GNAQ: variants seen among roughly 807,000 people sequenced by gnomAD.
GNAQ encodes the protein guanine nucleotide-binding protein G(q) subunit alpha.
In GNAQ, 8 loss-of-function variants were observed where a neutral mutation model predicts 43.9. That is an observed-to-expected ratio of 0.18 (90% CI 0.11 to 0.33). GNAQ has a LOEUF of 0.33. Among genes scored for constraint, GNAQ ranks in the 10% least tolerant of loss-of-function variants. GNAQ has a pLI of 1.00. For missense variants in GNAQ, 158 were observed against 450.8 expected, an observed-to-expected ratio of 0.35 and a Z score of 5.88; for synonymous variants, 155 against 170.7, an observed-to-expected ratio of 0.91 and a Z score of 0.71.
In GNAQ at chr9:77,717,607, T is replaced by A. The variant is rs1825246189; in HGVS notation, c.*3716A>T. ...AAGACAACTAAAATTTACAATCATG[T>A]GGCAGTATAAATTTTAAAATTACAG... On this transcript the variant is annotated 3_prime_UTR_variant, in exon 7 of 7. Transcript: ENST00000286548. The A allele has an allele frequency of 4.3e-6, 1 of 232,384 alleles. No individual in the cohort carries two copies. Among genetic ancestry groups the A allele is most frequent in the Non-Finnish European group, 8.5e-6 (1 of 117,544 alleles). 14.4% of individuals were successfully genotyped at this position (232,384 alleles called of 1,614,324 possible). A position where few individuals can be genotyped will look rare whatever the true frequency, so the allele number is the denominator to read the frequency against.
At chr9:77,824,716 T>C (rs1827167423) in intron 2 of GNAQ, among the ~76,000 whole-genome samples, 1 of 152,214 alleles carries the variant, frequency 6.6e-6, no homozygotes, top group South Asian at 2.1e-4. Context: ...AAAACCATGT[T>C]GGATATTTCA....
chr9:77,770,041 A>T (rs1826198554), intron 5 of GNAQ, among the ~76,000 whole-genome samples: 1 of 152,150 alleles, frequency 6.6e-6, no homozygotes, highest in Non-Finnish European at 1.5e-5. Flanking sequence ...CCTCATAATG[A>T]TGCACACTAG....
chr9:77,786,775 A>G (rs1423021533), intron 5 of GNAQ, among the ~76,000 whole-genome samples: 2 of 152,210 alleles, frequency 1.3e-5, no homozygotes, highest in Non-Finnish European at 2.9e-5. Context: ...CTTTGGTTTT[A>G]TCTATTAAAT....
chr9:77,799,994 C>T (rs1353158028), intron 3 of GNAQ, among the ~76,000 whole-genome samples: 1 of 152,186 alleles, frequency 6.6e-6, no homozygotes, highest in Non-Finnish European at 1.5e-5. Context: ...AATATCTTGC[C>T]ATGATCACGG....
intron 2 of GNAQ, among the ~76,000 whole-genome samples, chr9:77,840,072 T>C (rs1383717173): frequency 6.6e-6 from 1 of 152,250 alleles, no homozygotes; most frequent in Non-Finnish European, 1.5e-5. Context: ...CGTTTTCCTC[T>C]GCAAATGCTC....
At chr9:77,921,831 T>C (rs563649724) in intron 2 of GNAQ, among the ~76,000 whole-genome samples, 3 of 152,364 alleles carry the variant, frequency 2.0e-5, no homozygotes, top group South Asian at 2.1e-4. Flanking sequence ...GGCCAATTTA[T>C]GATACTTACA....
intron 2 of GNAQ, among the ~76,000 whole-genome samples, chr9:77,901,052 C>A (rs1310585806): frequency 1.3e-5 from 2 of 152,118 alleles, no homozygotes; most frequent in East Asian, 3.9e-4. Context: ...TGCTTGAATC[C>A]TCAAGCTGCC....
intron 5 of GNAQ, among the ~76,000 whole-genome samples, chr9:77,758,282 C>A (rs958851198): frequency 1.4e-4 from 21 of 152,280 alleles, no homozygotes; most frequent in Middle Eastern, 3.4e-3. Flanking sequence ...ACATGATTTT[C>A]CTCAAGGTTA....
intron 1 of GNAQ, among the ~76,000 whole-genome samples, chr9:78,026,796 A>G (rs886286485): frequency 1.3e-5 from 2 of 152,186 alleles, no homozygotes; most frequent in African/African-American, 4.8e-5. Context: ...TTGGTCTAAA[A>G]CTGTATAGCT....
chr9:77,972,804 T>C, intron 1 of GNAQ, among the ~76,000 whole-genome samples: 1 of 151,752 alleles, frequency 6.6e-6, no homozygotes. Flanking sequence ...AATACAAAAA[T>C]TAGCCGGGCG....
At chr9:77,770,813 G>T (rs895675975) in intron 5 of GNAQ, among the ~76,000 whole-genome samples, 7 of 152,112 alleles carry the variant, frequency 4.6e-5, no homozygotes, top group Non-Finnish European at 8.8e-5. Flanking sequence ...TTGTATCTGT[G>T]CCACAGGAAT....
At chr9:77,811,897 C>A (rs995174477) in intron 3 of GNAQ, among the ~76,000 whole-genome samples, 3 of 152,116 alleles carry the variant, frequency 2.0e-5, no homozygotes, top group Non-Finnish European at 2.9e-5. Flanking sequence ...CAGGAATAAA[C>A]TGATTCTACT....
At chr9:77,953,739 G>A (rs188961800) in intron 1 of GNAQ, among the ~76,000 whole-genome samples, 3 of 152,284 alleles carry the variant, frequency 2.0e-5, no homozygotes, top group Admixed American at 6.5e-5. Flanking sequence ...ATCTGCCAGT[G>A]TTTGAACAGA....
Position 77,837,593 on chromosome 9 carries a change from T to C in GNAQ, c.322-21823A>G, listed in dbSNP as rs1237228591. Among the ~76,000 whole-genome samples the C allele has an allele frequency of 4.0e-5, 6 of 151,750 alleles. No individual in the cohort carries two copies. In the East Asian group the frequency reaches 7.8e-4, roughly 20 times the overall value. ...TTTTTTTAAAAAAGCTGTTTCATCA[T>C]ATGATTGATTTTTTAAAAAAACAAC... On this transcript the variant is annotated intron_variant, in intron 2 of 6. Coordinates refer to ENST00000286548, the MANE Select transcript of GNAQ (RefSeq NM_002072.5).
At chr9:78,009,572 C>T (rs955656691) in intron 1 of GNAQ, among the ~76,000 whole-genome samples, 2 of 152,168 alleles carry the variant, frequency 1.3e-5, no homozygotes, top group African/African-American at 4.8e-5. Flanking sequence ...GAATGACAGA[C>T]TATGGCAATC....
At chr9:77,766,426 G>A (rs557277228) in intron 5 of GNAQ, among the ~76,000 whole-genome samples, 1 of 152,284 alleles carries the variant, frequency 6.6e-6, no homozygotes, top group South Asian at 2.1e-4. Flanking sequence ...ACTTTCAGAT[G>A]GGGAATATGT....
At chr9:78,013,013 G>A (rs925407555) in intron 1 of GNAQ, among the ~76,000 whole-genome samples, 2 of 152,186 alleles carry the variant, frequency 1.3e-5, no homozygotes, top group African/African-American at 4.8e-5. Flanking sequence ...TGAAGAAAGG[G>A]GGCGTAAGTG....
chr9:78,012,031 A>G (rs1364152131), intron 1 of GNAQ, among the ~76,000 whole-genome samples: 5 of 152,218 alleles, frequency 3.3e-5, no homozygotes, highest in Non-Finnish European at 7.3e-5. Context: ...TTCATGTTAT[A>G]GAAACAAATA....
chr9:77,861,996 C>T (rs1219701513), intron 2 of GNAQ, among the ~76,000 whole-genome samples: 11 of 129,884 alleles, frequency 8.5e-5, no homozygotes, highest in African/African-American at 3.2e-4. Context: ...CAGAGCAAGA[C>T]TCTGTCTGGG....
Sources: allele counts gnomAD v4.1 joint callset (sites outside exome capture counted in the v4.1 genomes callset), GRCh38; gene constraint gnomAD v4.1.1; transcripts MANE v1.5; gene names NCBI Gene and HGNC (gene_info 2026-07-23, HGNC 2026-07-21).